OPN5: variants seen among roughly 807,000 people sequenced by gnomAD.
OPN5 encodes opsin-5.
OPN5 carries 18 observed loss-of-function variants against 41.7 expected under a neutral mutation model. The ratio of observed to expected loss-of-function variants is 0.43; its 90% CI spans 0.30 to 0.64. OPN5 has a LOEUF of 0.64. Among genes scored for constraint, OPN5 ranks in the 30% least tolerant of loss-of-function variants. The pLI is 0.13. For synonymous variants in OPN5, 178 were observed against 164.3 expected (o/e 1.08, Z -0.64); for missense variants, 318 against 434.5 (o/e 0.73, Z 2.38).
chr6:47,805,418 T>C (rs561380471), intron 4 of OPN5, among the ~76,000 whole-genome samples: 2 of 98,296 alleles, frequency 2.0e-5, no homozygotes, highest in African/African-American at 6.3e-5. Flanking sequence ...AAATTGATAT[T>C]ATTAATTGTG....
chr6:47,808,890 T>G (rs1405520310), intron 5 of OPN5, among the ~76,000 whole-genome samples: 2 of 152,120 alleles, frequency 1.3e-5, no homozygotes, highest in Admixed American at 1.3e-4. Flanking sequence ...TTCACAAGAG[T>G]CTTGGGTTAT....
chr6:47,802,242 A>G (rs1773804878), intron 4 of OPN5, among the ~76,000 whole-genome samples: 1 of 152,176 alleles, frequency 6.6e-6, no homozygotes, highest in Non-Finnish European at 1.5e-5. Flanking sequence ...TCCTGAGGCC[A>G]TGGCTACAGC....
intron 6 of OPN5, among the ~76,000 whole-genome samples, chr6:47,821,476 G>T (rs1212472682): frequency 6.6e-6 from 1 of 152,196 alleles, no homozygotes; most frequent in African/African-American, 2.4e-5. Context: ...TCTTGGCACA[G>T]TATTATTCTG....
At chr6:47,815,989 G>A (rs1762417962) in intron 6 of OPN5, among the ~76,000 whole-genome samples, 1 of 152,084 alleles carries the variant, frequency 6.6e-6, no homozygotes, top group African/African-American at 2.4e-5. Context: ...TGCACCACGA[G>A]GTCTGAAATA....
At chr6:47,818,343 C>T (rs1230271054) in intron 6 of OPN5, among the ~76,000 whole-genome samples, 1 of 152,088 alleles carries the variant, frequency 6.6e-6, no homozygotes, top group Non-Finnish European at 1.5e-5. Flanking sequence ...ATGTGTGAGA[C>T]CAGGCTGATA....
At chr6:47,817,057 A>G (rs1411783088) in intron 6 of OPN5, among the ~76,000 whole-genome samples, 1 of 152,106 alleles carries the variant, frequency 6.6e-6, no homozygotes, top group Non-Finnish European at 1.5e-5. Context: ...TAGCTCTGCC[A>G]CAGGAAACTT....
intron 6 of OPN5, among the ~76,000 whole-genome samples, chr6:47,814,747 C>T (rs1762378277): frequency 6.6e-6 from 1 of 152,134 alleles, no homozygotes; most frequent in Non-Finnish European, 1.5e-5. Context: ...AACACATCTA[C>T]AAATTCAATT....
downstream of OPN5, chr6:47,825,978 G>A (rs1021644398): frequency 4.6e-5 from 7 of 152,086 alleles, no homozygotes; most frequent in Non-Finnish European, 8.8e-5. Context: ...ATTTCTCTTA[G>A]AGTTTGGTGT....
At chr6:47,825,304 A>T (rs1287549102), downstream of OPN5, 1 of 152,244 alleles carries the variant, frequency 6.6e-6, no homozygotes, top group African/African-American at 2.4e-5. Context: ...AATAAAAAGT[A>T]GTGAGGTATG....
intron 4 of OPN5, 126 bp downstream of exon 4, chr6:47,795,689 C>T: frequency 4.6e-6 from 3 of 652,868 alleles, no homozygotes; most frequent in Non-Finnish European, 7.9e-6. Flanking sequence ...TTCTGAACTT[C>T]GTTGATGATT....
In OPN5 at chr6:47,819,354, A is replaced by ATATATATATATATATATATAAATATATAT. The variant is rs1389298718; in HGVS notation, c.1057-4629_1057-4628insTATATATATATATATATATAAATATATAT. Among the ~76,000 whole-genome samples the ATATATATATATATATATATAAATATATAT allele has an allele frequency of 8.5e-5, 5 of 59,054 alleles. 1 individual carries two copies. Among genetic ancestry groups the ATATATATATATATATATATAAATATATAT allele is most frequent in the Admixed American group, 7.6e-4 (3 of 3,964 alleles). The allele number at this position is 59,054 out of a possible 152,430, so 38.7% of individuals were successfully genotyped here. On this transcript the variant is annotated intron_variant, in intron 6 of 6. Coordinates refer to ENST00000371211, the Ensembl canonical transcript of OPN5. ...AATTAGGAATATATATATATATATA[A>ATATATATATATATATATATAAATATATAT]AAAATATATTACCGTATAAGTAGAA...
intron 4 of OPN5, among the ~76,000 whole-genome samples, chr6:47,801,032 C>G (rs1448417717): frequency 2.0e-5 from 3 of 152,170 alleles, no homozygotes; most frequent in Non-Finnish European, 4.4e-5. Flanking sequence ...AGAAAGCCCT[C>G]CTGATTCTCC....
Position 47,812,142 on chromosome 6 carries a change from G to T in OPN5, c.1056+411G>T, listed in dbSNP as rs545737877. On this transcript the variant is annotated intron_variant, in intron 6 of 6. Coordinates refer to ENST00000371211, the Ensembl canonical transcript of OPN5. ...GGGGCTCATTCAGGTGGACAATCATGTATGTTGGGCCATGGCTCTTTGGTA... is the reference window on the plus strand; with the variant it reads ...GGGGCTCATTCAGGTGGACAATCATTTATGTTGGGCCATGGCTCTTTGGTA... Among the ~76,000 whole-genome samples, 23 of 152,234 alleles carry T rather than the reference G, an allele frequency of 1.5e-4. No individual in the cohort carries two copies. In the South Asian group the frequency reaches 4.6e-3, roughly 30 times the overall value.
chr6:47,810,548 C>G (rs1467857070), intron 5 of OPN5, among the ~76,000 whole-genome samples: 1 of 147,936 alleles, frequency 6.8e-6, no homozygotes, highest in African/African-American at 2.7e-5. Flanking sequence ...TATCCTTATT[C>G]TTTTCTTTTC....
intron 1 of OPN5, among the ~76,000 whole-genome samples, chr6:47,782,897 A>G (rs1218895920): frequency 6.6e-6 from 1 of 152,180 alleles, no homozygotes; most frequent in South Asian, 2.1e-4. Context: ...GTAAATACTC[A>G]CCAGATACTG....
chr6:47,796,535 C>A (rs551498928), intron 4 of OPN5, among the ~76,000 whole-genome samples: 1 of 151,904 alleles, frequency 6.6e-6, no homozygotes, highest in African/African-American at 2.4e-5. Context: ...TAATTTAACC[C>A]CCCAAATTTT....
chr6:47,806,898 C>T (rs146423791), intron 4 of OPN5, among the ~76,000 whole-genome samples: 1 of 152,342 alleles, frequency 6.6e-6, no homozygotes, highest in African/African-American at 2.4e-5. Context: ...TGGCTCATGC[C>T]TGTAATCCCA....
chr6:47,821,563 C>T (rs1170371304), intron 6 of OPN5, among the ~76,000 whole-genome samples: 1 of 152,194 alleles, frequency 6.6e-6, no homozygotes, highest in Non-Finnish European at 1.5e-5. Flanking sequence ...TCATCATGGT[C>T]AATAATTTTC....
At chr6:47,817,908 G>C (rs1762479453) in intron 6 of OPN5, among the ~76,000 whole-genome samples, 1 of 152,098 alleles carries the variant, frequency 6.6e-6, no homozygotes, top group Non-Finnish European at 1.5e-5. Context: ...GGAGAATTCT[G>C]AGATGACAGC....
Sources: allele counts gnomAD v4.1 joint callset (sites outside exome capture counted in the v4.1 genomes callset), GRCh38; gene constraint gnomAD v4.1.1; transcripts MANE v1.5; gene names NCBI Gene and HGNC (gene_info 2026-07-23, HGNC 2026-07-21).